PRORP: variants seen among roughly 807,000 people sequenced by gnomAD.
PRORP encodes the protein protein only RNase P catalytic subunit.
In PRORP, 51 loss-of-function variants were observed where a neutral mutation model predicts 59.4. The observed-to-expected ratio is 0.86, with a 90% CI of 0.69 to 1.08. The LOEUF is 1.08. Ranked by LOEUF, PRORP falls within the 50% of genes least tolerant of loss-of-function variation. The pLI is 0.00. For missense variants in PRORP, 646 were observed against 690.3 expected (o/e 0.94, Z 0.72); for synonymous variants, 231 against 245.6 (o/e 0.94, Z 0.55).
chr14:35,126,128 A>G (rs184328569), intron 2 of PRORP, among the ~76,000 whole-genome samples: 1 of 152,310 alleles, frequency 6.6e-6, no homozygotes, highest in East Asian at 1.9e-4. Context: ...CTGCGTGAAT[A>G]CAATTTTAGG....
intron 4 of PRORP, chr14:35,159,152 A>G: frequency 5.6e-6 from 1 of 177,418 alleles, no homozygotes; most frequent in Non-Finnish European, 1.2e-5. Flanking sequence ...CCCTGCCTCA[A>G]AACCTTCAGC....
chr14:35,188,941 TAAAAAA>T (rs748540239), intron 5 of PRORP, among the ~76,000 whole-genome samples: 1 of 47,492 alleles, frequency 2.1e-5, no homozygotes, highest in Non-Finnish European at 4.1e-5. Context: ...AGACTCTGTC[TAAAAAA>T]AAAAAAAAAA....
intron 5 of PRORP, chr14:35,235,500 G>A: frequency 8.1e-6 from 5 of 613,752 alleles, no homozygotes; most frequent in South Asian, 4.6e-5. Context: ...TCCACTTCAT[G>A]TGCAGTCACC....
chr14:35,182,991 G>A lies in PRORP; in HGVS notation c.1275+2214G>A, dbSNP rs1042629991. On this transcript the variant is annotated intron_variant, in intron 5 of 7. Coordinates refer to ENST00000534898, the MANE Select transcript of PRORP (RefSeq NM_014672.4). ...CTAAATATCTATCAATCTTAAGCCC[G>A]ATACATATTTAAATATTAATTTTTG... 3.3e-5 allele frequency among the ~76,000 whole-genome samples: 5 copies of A among 152,052 alleles called. No homozygotes were observed. The East Asian group carries it at 7.7e-4, about 23-fold the overall frequency.
At chr14:35,212,568 A>T (rs1286818677) in intron 5 of PRORP, among the ~76,000 whole-genome samples, 2 of 152,208 alleles carry the variant, frequency 1.3e-5, no homozygotes, top group East Asian at 3.8e-4. Context: ...ATTGTCAATG[A>T]ACAGTAATAT....
chr14:35,230,291 A>G (rs975901321), intron 5 of PRORP, among the ~76,000 whole-genome samples: 1 of 152,098 alleles, frequency 6.6e-6, no homozygotes, highest in Non-Finnish European at 1.5e-5. Context: ...GACTCAAGCA[A>G]TCCACCCGCC....
At chr14:35,249,565 G>A (rs2050563970) in intron 5 of PRORP, among the ~76,000 whole-genome samples, 2 of 152,126 alleles carry the variant, frequency 1.3e-5, no homozygotes, top group Admixed American at 1.3e-4. Context: ...CTGCCACCTG[G>A]ATAACAGAGC....
intron 4 of PRORP, among the ~76,000 whole-genome samples, chr14:35,132,063 T>C (rs2047255760): frequency 6.7e-6 from 1 of 149,330 alleles, no homozygotes; most frequent in Admixed American, 6.7e-5. Flanking sequence ...GGTCTCGAAC[T>C]CCTGACCTGA....
intron 2 of PRORP, 138 bp downstream of exon 2, chr14:35,124,369 G>C (rs2047038695): frequency 2.0e-6 from 1 of 492,294 alleles, no homozygotes; most frequent in Non-Finnish European, 3.4e-6. Context: ...CTGGCCTCAA[G>C]TGATCCTCTC....
chr14:35,155,354 C>A (rs1302354886), intron 4 of PRORP, among the ~76,000 whole-genome samples: 1 of 151,922 alleles, frequency 6.6e-6, no homozygotes, highest in East Asian at 1.9e-4. Context: ...TTTATGGGTT[C>A]ATGGGGATTT....
Position 35,127,505 on chromosome 14 carries a change from C to T in PRORP, c.1061C>T (p.Thr354Ile). 1 of 1,610,972 alleles carries T rather than the reference C, an allele frequency of 6.2e-7. No homozygotes were observed. Among genetic ancestry groups the T allele is most frequent in the Non-Finnish European group, 8.5e-7 (1 of 1,178,258 alleles). Reference protein sequence around the residue: ...KSGQCSGCGKTIESIQLSPEE... With the variant: ...KSGQCSGCGKIIESIQLSPEE... ...GGCCAGTGTTCGGGCTGTGGAAAAA[C>T]CATAGAGTCTATTCAGCTGAGTCCA... The change falls in exon 4 of 8, where the codon ACC becomes ATC. Residue 354 changes from threonine to isoleucine, a missense_variant. Coordinates refer to ENST00000534898, the MANE Select transcript of PRORP (RefSeq NM_014672.4).
Position 35,260,475 on chromosome 14 carries a change from T to C in PRORP, c.1276-6252T>C, listed in dbSNP as rs115040928. Among the ~76,000 whole-genome samples, 658 of 152,290 alleles carry C rather than the reference T, an allele frequency of 4.3e-3. 7 individuals carry two copies. Among genetic ancestry groups the C allele is most frequent in the African/African-American group, 0.015 (625 of 41,576 alleles). On this transcript the variant is annotated intron_variant, in intron 5 of 7. Coordinates refer to ENST00000534898, the MANE Select transcript of PRORP (RefSeq NM_014672.4). Reference sequence around the variant, plus strand: ...TGTCTTATAGTATAAGTTTATAGATTCCTGTTCTCTGTAACTAGTAACTTC... The same window carrying C: ...TGTCTTATAGTATAAGTTTATAGATCCCTGTTCTCTGTAACTAGTAACTTC...
At chr14:35,256,533 T>C (rs564337504) in intron 5 of PRORP, among the ~76,000 whole-genome samples, 3 of 151,790 alleles carry the variant, frequency 2.0e-5, no homozygotes, top group South Asian at 2.1e-4. Flanking sequence ...GGCTTCACCA[T>C]GTTGGTCAGT....
rs1336199657 is a variant in PRORP at position 35,275,827 on chromosome 14, A to G, written c.*2261A>G. 3.5e-5 allele frequency: 5 copies of G among 141,064 alleles called. No individual in the cohort carries two copies. The highest frequency in any genetic ancestry group is 6.1e-5 in the Non-Finnish European group (4 of 65,714). 8.7% of individuals were successfully genotyped at this position (141,064 alleles called of 1,614,324 possible). A position where few individuals can be genotyped will look rare whatever the true frequency, so the allele number is the denominator to read the frequency against. On this transcript the variant is annotated 3_prime_UTR_variant, in exon 8 of 8. Transcript: ENST00000534898. The stretch of plus-strand genomic sequence containing the variant: ...AAAAAAAAAAAAGACGGGAGAAGCT[A>G]CAAGAAGAAAACTAGAACTTTAGAG...
intron 5 of PRORP, among the ~76,000 whole-genome samples, chr14:35,186,149 A>AT (rs34848889): frequency 0.81 from 105,953 of 131,406 alleles, 43,081 homozygotes; most frequent in Non-Finnish European, 0.85. Flanking sequence ...AGTCCAGCTA[A>AT]TTTTTTTTTT....
chr14:35,236,800 T>G (rs1436426139), intron 5 of PRORP, among the ~76,000 whole-genome samples: 2 of 152,134 alleles, frequency 1.3e-5, no homozygotes, highest in Non-Finnish European at 2.9e-5. Context: ...AAATACTGTA[T>G]GTCCAAAACT....
intron 5 of PRORP, among the ~76,000 whole-genome samples, chr14:35,187,010 A>G (rs1037527923): frequency 4.6e-5 from 7 of 152,106 alleles, no homozygotes; most frequent in Non-Finnish European, 2.9e-5. Context: ...TTATTGCCAA[A>G]TCGTGTTCCA....
In PRORP at chr14:35,235,758, A is replaced by G. The variant is rs12888173; in HGVS notation, c.1276-30969A>G. Reference sequence around the variant, plus strand: ...TTTAATTCTTACAGCTGTTATTGGTATTACCTCCTTAAGAATGTGGAAACT... The same window carrying G: ...TTTAATTCTTACAGCTGTTATTGGTGTTACCTCCTTAAGAATGTGGAAACT... On this transcript the variant is annotated intron_variant, in intron 5 of 7. Transcript: ENST00000534898. 5.6e-3 allele frequency: 1,197 copies of G among 212,074 alleles called. 22 individuals carry two copies. The highest frequency in any genetic ancestry group is 6.0e-3 in the Non-Finnish European group (625 of 104,172). The allele number at this position is 212,074 out of a possible 1,614,324, so 13.1% of individuals were successfully genotyped here. A position where few individuals can be genotyped will look rare whatever the true frequency, so the allele number is the denominator to read the frequency against.
At chr14:35,217,488 A>G (rs2049633620) in intron 5 of PRORP, among the ~76,000 whole-genome samples, 2 of 149,838 alleles carry the variant, frequency 1.3e-5, no homozygotes, top group Admixed American at 6.7e-5. Context: ...GTGACAGAGC[A>G]AGACTCTGTC....
Sources: gnomAD v4.1 joint callset for allele counts (sites outside exome capture counted in the v4.1 genomes callset) on GRCh38, gnomAD v4.1.1 for gene constraint, MANE v1.5 for transcripts, NCBI Gene and HGNC (gene_info 2026-07-23, HGNC 2026-07-21) for gene names.